Variants in AGTPBP1 observed in about 807,000 individuals in gnomAD.
AGTPBP1 encodes cytosolic carboxypeptidase 1.
Under a neutral mutation model 143.9 loss-of-function variants are expected in AGTPBP1, and 70 were observed. The observed-to-expected ratio is 0.49, with a 90% CI of 0.40 to 0.59. The LOEUF (loss-of-function observed/expected upper bound fraction) is 0.59, where lower values mean the gene tolerates loss of function less well. AGTPBP1 is among the 20% of genes least tolerant of loss of function. The pLI, the probability that AGTPBP1 is intolerant of heterozygous loss-of-function variation, is 0.00. For missense variants in AGTPBP1, 1,229 were observed against 1,464.5 expected (o/e 0.84, Z 2.62); for synonymous variants, 463 against 500.2 (o/e 0.93, Z 0.99).
At chr9:85,803,062 A>G in the AGTPBP1 span, among the ~76,000 whole-genome samples, 2 of 152,210 alleles carry the variant, frequency 1.3e-5, no homozygotes, top group East Asian at 3.8e-4. Flanking sequence ...TTTGCTGAGA[A>G]AATAGAAGCA....
intron 17 of AGTPBP1, among the ~76,000 whole-genome samples, chr9:85,598,852 T>C (rs914256244): frequency 3.9e-5 from 6 of 152,028 alleles, no homozygotes; most frequent in Non-Finnish European, 8.8e-5. Flanking sequence ...CCCGAGTAGC[T>C]GGGGACTACA....
chr9:85,667,903 TA>T (rs11433029), intron 8 of AGTPBP1, among the ~76,000 whole-genome samples: 2,609 of 99,282 alleles, frequency 0.026, 23 homozygotes, highest in Middle Eastern at 0.069. Context: ...AAGCCAACTG[TA>T]AAAAAAAAAA....
chr9:85,797,448 C>T, the AGTPBP1 span, among the ~76,000 whole-genome samples: 1 of 152,112 alleles, frequency 6.6e-6, no homozygotes, highest in East Asian at 1.9e-4. Flanking sequence ...ATTACATCTC[C>T]GTATTTTCCA....
At chr9:85,705,417 C>G (rs926252767) in intron 2 of AGTPBP1, among the ~76,000 whole-genome samples, 2 of 151,982 alleles carry the variant, frequency 1.3e-5, no homozygotes, top group Admixed American at 6.6e-5. Flanking sequence ...TGGCTCACAC[C>G]GGTAATCCCA....
At chr9:85,678,837 CA>C (rs1834993575) in intron 4 of AGTPBP1, among the ~76,000 whole-genome samples, 1 of 152,184 alleles carries the variant, frequency 6.6e-6, no homozygotes, top group Non-Finnish European at 1.5e-5. Context: ...CATGTGCATA[CA>C]GGTTTATTTC....
At chr9:85,636,599 G>T (rs2133757546) in intron 13 of AGTPBP1, among the ~76,000 whole-genome samples, 1 of 152,128 alleles carries the variant, frequency 6.6e-6, no homozygotes, top group South Asian at 2.1e-4. Context: ...AAGCCAAAAA[G>T]AGAATTAGGA....
At chr9:85,586,272 C>CTTAAT (rs546298550) in intron 22 of AGTPBP1, among the ~76,000 whole-genome samples, 10 of 150,810 alleles carry the variant, frequency 6.6e-5, no homozygotes, top group Non-Finnish European at 1.2e-4. Flanking sequence ...TAAAAAAACA[C>CTTAAT]CATTAAGAAG....
chr9:85,621,234 T>G lies in AGTPBP1; in HGVS notation c.2067A>C (p.Ile689=). Residue 689 remains isoleucine (I), a synonymous_variant, in exon 15 of 26, where the codon ATA becomes ATC. Transcript: ENST00000357081. ...IERLIHQSDI[I]DRVVYDLDNP... The stretch of plus-strand genomic sequence containing the variant: ...TATCCAAGTCATATACCACACGATC[T>G]ATGATATCACTCTGATGTATTAGCC... 6.8e-7 allele frequency: 1 copy of G among 1,472,934 alleles called. No homozygotes were observed. The allele number at this position is 1,472,934 out of a possible 1,614,324, so 91.2% of individuals were successfully genotyped here. A position where few individuals can be genotyped will look rare whatever the true frequency, so the allele number is the denominator to read the frequency against.
the AGTPBP1 span, among the ~76,000 whole-genome samples, chr9:85,789,688 A>C: frequency 1.1e-4 from 17 of 152,186 alleles, no homozygotes; most frequent in Non-Finnish European, 1.9e-4. Flanking sequence ...CCCAGGGTCC[A>C]AGGAGTCGGC....
intron 14 of AGTPBP1, among the ~76,000 whole-genome samples, chr9:85,630,725 C>A (rs2133686372): frequency 6.6e-6 from 1 of 152,178 alleles, no homozygotes; most frequent in African/African-American, 2.4e-5. Flanking sequence ...AATGATCCAT[C>A]CACCTTGGCC....
intron 17 of AGTPBP1, among the ~76,000 whole-genome samples, chr9:85,608,369 T>C (rs1470993242): frequency 6.6e-6 from 1 of 151,938 alleles, no homozygotes; most frequent in Non-Finnish European, 1.5e-5. Context: ...ATTGATATAG[T>C]CTTCAAAACA....
chr9:85,725,857 C>G (rs1311815921), intron 1 of AGTPBP1, among the ~76,000 whole-genome samples: 1 of 151,776 alleles, frequency 6.6e-6, no homozygotes, highest in Non-Finnish European at 1.5e-5. Context: ...ACCAGCCTGG[C>G]CAACATGGCG....
At position 85,632,795 on chromosome 9, in the gene AGTPBP1, C is replaced by T. The variant is rs1360131247; in HGVS notation, c.1882G>A (p.Asp628Asn). 3 of 1,614,128 alleles carry T rather than the reference C, an allele frequency of 1.9e-6. No homozygotes were observed. In the South Asian group the frequency reaches 3.3e-5, roughly 18 times the overall value. The stretch of plus-strand genomic sequence containing the variant: ...TTTTTCACAATCTCAATATAGAGGT[C>T]TGGGTCATGGAGTGTTGGTCCATCA... ...VPDGPTLHDP[D>N]LYIEIVKNTK... The change falls in exon 14 of 26, where the codon GAC becomes AAC. Residue 628 changes from aspartate to asparagine, a missense_variant. Physicochemically the swap from Asp to Asn is conservative, Grantham distance 23. Transcript: ENST00000357081.
intron 6 of AGTPBP1, among the ~76,000 whole-genome samples, chr9:85,676,651 T>C (rs1834847934): frequency 6.6e-6 from 1 of 152,068 alleles, no homozygotes; most frequent in Non-Finnish European, 1.5e-5. Flanking sequence ...AAACTAAAAA[T>C]AGAATTACCA....
intron 3 of AGTPBP1, 72 bp downstream of exon 3, chr9:85,692,617 T>C (rs1313781639): frequency 6.5e-7 from 1 of 1,550,304 alleles, no homozygotes; most frequent in Non-Finnish European, 8.7e-7. Flanking sequence ...ATTAGAAGTT[T>C]GAACATTTTT....
Position 85,712,483 on chromosome 9 carries a change from A to C in AGTPBP1, c.32+19T>G, listed in dbSNP as rs375427313. The C allele has an allele frequency of 2.3e-5, 32 of 1,388,908 alleles. No individual in the cohort carries two copies. In the African/African-American group the frequency reaches 4.5e-4, roughly 19 times the overall value. 86.0% of individuals were successfully genotyped at this position (1,388,908 alleles called of 1,614,324 possible). On this transcript the variant is annotated intron_variant, in intron 2 of 25. Coordinates refer to ENST00000357081, the MANE Select transcript of AGTPBP1 (RefSeq NM_001330701.2). ...TTATTTCTGTAACTTATGCATACTG[A>C]TATTCAGAATTACAGTACCTTTTTT...
At chr9:85,598,758 T>G (rs1025141592) in intron 17 of AGTPBP1, among the ~76,000 whole-genome samples, 1 of 152,208 alleles carries the variant, frequency 6.6e-6, no homozygotes, top group Non-Finnish European at 1.5e-5. Context: ...CTTGCTCTGT[T>G]GCTCAGGCTG....
intron 2 of AGTPBP1, among the ~76,000 whole-genome samples, chr9:85,696,775 AGTAAGT>A (rs1270808325): frequency 6.6e-6 from 1 of 152,240 alleles, no homozygotes; most frequent in African/African-American, 2.4e-5. Flanking sequence ...TGTGGATAAA[AGTAAGT>A]GTAAGATAGA....
chr9:85,757,474 AAC>A, the AGTPBP1 span, among the ~76,000 whole-genome samples: 5 of 152,074 alleles, frequency 3.3e-5, no homozygotes, highest in African/African-American at 1.2e-4. Context: ...TAGAGGAGAT[AAC>A]AGAGGACAAA....
Sources: gnomAD v4.1 joint callset for allele counts (sites outside exome capture counted in the v4.1 genomes callset) on GRCh38, gnomAD v4.1.1 for gene constraint, MANE v1.5 for transcripts, NCBI Gene and HGNC (gene_info 2026-07-23, HGNC 2026-07-21) for gene names.